AFF4: variants seen among roughly 807,000 people sequenced by gnomAD.
The protein encoded by AFF4 is AF4/FMR2 family member 4.
Under a neutral mutation model 124.8 loss-of-function variants are expected in AFF4, and 13 were observed. That is an observed-to-expected ratio of 0.10 (90% CI 0.07 to 0.17). AFF4 has a LOEUF of 0.17. AFF4 is among the 10% of genes least tolerant of loss of function. The pLI is 1.00. For missense variants in AFF4, 1,092 were observed against 1,403.8 expected (o/e 0.78, Z 3.55); for synonymous variants, 477 against 496.1 (o/e 0.96, Z 0.51).
At chr5:132,883,590 T>C (rs916557069) in intron 19 of AFF4, 30 bp from the exon 20 acceptor site, 13 of 1,595,770 alleles carry the variant, frequency 8.1e-6, no homozygotes, top group Non-Finnish European at 1.1e-5. Flanking sequence ...AGCTTGTTCA[T>C]ATGGACATGG....
In AFF4 at chr5:132,880,749, A is replaced by C; in HGVS notation, c.*310T>G. On this transcript the variant is annotated 3_prime_UTR_variant, in exon 21 of 21. Transcript: ENST00000265343. ...CCCAATCTGGGAACTTAAAAAAATTAAAATAAATAAAATTTCAATTCATTA... is the reference window on the plus strand; with the variant it reads ...CCCAATCTGGGAACTTAAAAAAATTCAAATAAATAAAATTTCAATTCATTA... The C allele has an allele frequency of 3.5e-6, 1 of 289,512 alleles. No individual in the cohort carries two copies. The highest frequency in any genetic ancestry group is 6.3e-6 in the Non-Finnish European group (1 of 157,626). The allele number at this position is 289,512 out of a possible 1,614,324, so 17.9% of individuals were successfully genotyped here. A position where few individuals can be genotyped will look rare whatever the true frequency, so the allele number is the denominator to read the frequency against.
chr5:132,919,636 G>A (rs1760992979), intron 5 of AFF4, among the ~76,000 whole-genome samples: 1 of 152,170 alleles, frequency 6.6e-6, no homozygotes, highest in Non-Finnish European at 1.5e-5. Context: ...GATCATTTAA[G>A]CTTAGGAGTT....
At position 132,952,712 on chromosome 5, in the gene AFF4, G is replaced by T. The variant is rs555814220; in HGVS notation, c.-5+10547C>A. On this transcript the variant is annotated intron_variant, in intron 1 of 20. Coordinates refer to ENST00000265343, the MANE Select transcript of AFF4 (RefSeq NM_014423.4). ...AGTTCAAGACCAGCCTAGCCAACAT[G>T]GCGAAACTCCGTCTCTGCTAAAAAT... is the stretch of plus-strand genomic sequence containing the variant. Among the ~76,000 whole-genome samples the T allele has an allele frequency of 3.7e-3, 567 of 152,018 alleles. 2 individuals are homozygous for T. Among genetic ancestry groups the T allele is most frequent in the Non-Finnish European group, 5.9e-3 (401 of 67,966 alleles).
At chr5:132,954,850 A>G (rs550563668) in intron 1 of AFF4, among the ~76,000 whole-genome samples, 2 of 152,272 alleles carry the variant, frequency 1.3e-5, no homozygotes, top group African/African-American at 4.8e-5. Flanking sequence ...CCCGGCCTAG[A>G]CAATGCTCTT....
intron 4 of AFF4, among the ~76,000 whole-genome samples, chr5:132,929,214 TA>T (rs1761248324): frequency 6.6e-6 from 1 of 152,148 alleles, no homozygotes; most frequent in Admixed American, 6.5e-5. Flanking sequence ...CAAAAATTCA[TA>T]AACTCAGGTT....
intron 5 of AFF4, among the ~76,000 whole-genome samples, chr5:132,904,795 T>C (rs1435311728): frequency 6.6e-6 from 1 of 152,102 alleles, no homozygotes; most frequent in Non-Finnish European, 1.5e-5. Context: ...CCATTAGAAG[T>C]ATACCACTTT....
Position 132,887,981 on chromosome 5 carries a change from G to T in AFF4, c.2798C>A (p.Ser933Tyr). The change falls in exon 16 of 21, where the codon TCT (serine) becomes TAT (tyrosine). Residue 933 changes from serine to tyrosine, a missense_variant and splice_region_variant. This residue lies in a region of AFF4 where 173 missense variants were observed against 294.9 expected (regional missense o/e 0.59). Transcript: ENST00000265343. ...GTATACAGCTTTCTCAAACCTATCA[G>T]ACTGAAGAAAGGAGAATGCAAGTAA... is the stretch of plus-strand genomic sequence containing the variant. ...KKLKHNADALSDRFEKAVYYL... is the reference protein window; with the variant it reads ...KKLKHNADALYDRFEKAVYYL... 6.2e-7 allele frequency: 1 copy of T among 1,613,192 alleles called. No individual in the cohort carries two copies. Among genetic ancestry groups the T allele is most frequent in the Non-Finnish European group, 8.5e-7 (1 of 1,179,750 alleles).
intron 13 of AFF4, chr5:132,891,816 T>TA (rs398038055): frequency 3.0e-4 from 89 of 300,084 alleles, no homozygotes; most frequent in South Asian, 5.6e-4. Context: ...TTTTTTTTTT[T>TA]AAATTTTAAA....
At chr5:132,891,662 C>T (rs936654906) in intron 13 of AFF4, among the ~76,000 whole-genome samples, 1 of 152,152 alleles carries the variant, frequency 6.6e-6, no homozygotes, top group Non-Finnish European at 1.5e-5. Context: ...CGTAATATAA[C>T]TTGTTTGTAA....
intron 5 of AFF4, among the ~76,000 whole-genome samples, chr5:132,914,152 G>A (rs759380516): frequency 4.0e-5 from 6 of 151,434 alleles, no homozygotes; most frequent in South Asian, 2.1e-4. Flanking sequence ...CCTTTGAACC[G>A]GTGAGGTGGA....
chr5:132,943,875 G>T, intron 1 of AFF4: 1 of 213,680 alleles, frequency 4.7e-6, no homozygotes. Flanking sequence ...TTCCTGAGCT[G>T]AAGGGAAAGA....
chr5:132,961,304 C>T (rs567153448), intron 1 of AFF4, among the ~76,000 whole-genome samples: 1 of 152,178 alleles, frequency 6.6e-6, no homozygotes, highest in Non-Finnish European at 1.5e-5. Flanking sequence ...CATGTACCAC[C>T]ATGTCTGGCT....
intron 5 of AFF4, among the ~76,000 whole-genome samples, chr5:132,915,359 A>G (rs995561877): frequency 6.6e-6 from 1 of 151,964 alleles, no homozygotes; most frequent in Non-Finnish European, 1.5e-5. Flanking sequence ...AGAAAAAAGA[A>G]AAAATACCAT....
At chr5:132,961,504 C>T (rs935655777) in intron 1 of AFF4, among the ~76,000 whole-genome samples, 6 of 152,076 alleles carry the variant, frequency 3.9e-5, no homozygotes, top group African/African-American at 9.7e-5. Context: ...GGATTACAGG[C>T]GTGAACCACC....
At chr5:132,887,228 G>C (rs1760140238) in intron 17 of AFF4, among the ~76,000 whole-genome samples, 1 of 152,218 alleles carries the variant, frequency 6.6e-6, no homozygotes, top group Admixed American at 6.5e-5. Context: ...TGAATGGAGA[G>C]AGCGGGTACC....
At chr5:132,893,903 A>G (rs981682048) in intron 11 of AFF4, among the ~76,000 whole-genome samples, 5 of 152,200 alleles carry the variant, frequency 3.3e-5, no homozygotes, top group African/African-American at 1.2e-4. Context: ...TGCCTATTCT[A>G]GACATTTCAG....
In AFF4 at chr5:132,887,525, G is replaced by A. The variant is rs1385683767; in HGVS notation, c.3001C>T (p.Leu1001Phe). The A allele has an allele frequency of 1.9e-6, 3 of 1,613,242 alleles. No individual in the cohort carries two copies. Among genetic ancestry groups the A allele is most frequent in the African/African-American group, 2.7e-5 (2 of 74,900 alleles). ...GCTAGAACACAGAAAACTCACCAAAGTACTGTGAGTCGTTTATCTGCAGCT... is the reference window on the plus strand; with the variant it reads ...GCTAGAACACAGAAAACTCACCAAAATACTGTGAGTCGTTTATCTGCAGCT... ...ATAADKRLTV[L>F]CLRCESLLYL... is the part of the protein sequence containing the mutation. Residue 1001 changes from leucine to phenylalanine, a missense_variant, in exon 17 of 21, where the codon CTT (leucine) becomes TTT (phenylalanine). Physicochemically the swap from Leu to Phe is conservative, Grantham distance 22. Coordinates refer to ENST00000265343, the MANE Select transcript of AFF4 (RefSeq NM_014423.4).
chr5:132,915,086 C>T (rs1376839521), intron 5 of AFF4, among the ~76,000 whole-genome samples: 2 of 152,126 alleles, frequency 1.3e-5, no homozygotes, highest in African/African-American at 4.8e-5. Context: ...TGCCTGTAAT[C>T]CCAGCACTTT....
intron 5 of AFF4, among the ~76,000 whole-genome samples, chr5:132,924,724 G>A (rs914544466): frequency 1.3e-5 from 2 of 151,920 alleles, no homozygotes; most frequent in Non-Finnish European, 2.9e-5. Flanking sequence ...GCGTGGTGGC[G>A]TGTGCCTGTA....
Sources: gnomAD v4.1 joint callset for allele counts (sites outside exome capture counted in the v4.1 genomes callset) on GRCh38, gnomAD v4.1.1 for gene constraint, gnomAD v4.1.1 regional missense constraint, MANE v1.5 for transcripts, NCBI Gene and HGNC (gene_info 2026-07-23, HGNC 2026-07-21) for gene names.